Variants in FOCAD observed in about 807,000 individuals in gnomAD.
The protein encoded by FOCAD is KIAA1797.
In FOCAD, 198 loss-of-function variants were observed where a neutral mutation model predicts 225.6. That is an observed-to-expected ratio of 0.88 (90% CI 0.78 to 0.99). FOCAD has a LOEUF of 0.99. Among genes scored for constraint, FOCAD ranks in the 50% least tolerant of loss-of-function variants. The probability of loss-of-function intolerance (pLI) is 0.00; values close to 1 mark genes in which losing one functional copy is unlikely to be tolerated. For synonymous variants in FOCAD, 897 were observed against 755.0 expected (o/e 1.19, Z -3.08); for missense variants, 2,713 against 2,123.6 (o/e 1.28, Z -5.46).
rs543757588 is a variant in FOCAD at position 20,814,692 on chromosome 9, T to C, written c.1456-5104T>C. 5.9e-5 allele frequency among the ~76,000 whole-genome samples: 9 copies of C among 152,264 alleles called. No individual in the cohort carries two copies. The South Asian group carries it at 1.9e-3, about 32-fold the overall frequency. On this transcript the variant is annotated intron_variant, in intron 11 of 43. Transcript: ENST00000338382. ...CTTTTGTGCATGTTCTATGTGTATT[T>C]TTTTTATGGTTGCCATGGGACTTAC...
In FOCAD at chr9:20,885,224, A is replaced by G. The variant is rs1299961825; in HGVS notation, c.2619A>G (p.Val873=). 1 of 1,517,204 alleles carries G rather than the reference A, an allele frequency of 6.6e-7. No individual in the cohort carries two copies. The highest frequency in any genetic ancestry group is 1.4e-5 in the South Asian group (1 of 71,464). 94.0% of individuals were successfully genotyped at this position (1,517,204 alleles called of 1,614,324 possible). The change falls in exon 21 of 44, where the codon GTA becomes GTG. Residue 873 remains valine (V), a synonymous_variant. Transcript: ENST00000338382. ...RSFKQTSLAL[V]HEVHIQLSEW... ...TCAAGCAGACTTCACTTGCTCTTGT[A>G]CATGAGGTAGGTTCCCGTGTCCTCT... is the stretch of plus-strand genomic sequence containing the variant.
At chr9:20,792,577 A>G (rs1224844974) in intron 11 of FOCAD, among the ~76,000 whole-genome samples, 1 of 152,020 alleles carries the variant, frequency 6.6e-6, no homozygotes, top group African/African-American at 2.4e-5. Flanking sequence ...AGTCATGCTT[A>G]TTTGTTTTGC....
intron 4 of FOCAD, among the ~76,000 whole-genome samples, chr9:20,734,440 A>G (rs1385924387): frequency 6.6e-6 from 1 of 152,194 alleles, no homozygotes; most frequent in Non-Finnish European, 1.5e-5. Flanking sequence ...ATTCCGTTCA[A>G]ATGTATTTTG....
intron 7 of FOCAD, among the ~76,000 whole-genome samples, chr9:20,765,486 C>G (rs1829976908): frequency 6.6e-6 from 1 of 151,636 alleles, no homozygotes; most frequent in South Asian, 2.1e-4. Context: ...TCTGAGGATG[C>G]AAAGCCTGGC....
At chr9:20,832,391 T>C (rs979807082) in intron 15 of FOCAD, among the ~76,000 whole-genome samples, 3 of 151,236 alleles carry the variant, frequency 2.0e-5, no homozygotes, top group Non-Finnish European at 4.4e-5. Flanking sequence ...ACCTTCATTC[T>C]TTTTTTTTAA....
chr9:20,832,860 CT>C (rs1564048291), intron 15 of FOCAD, among the ~76,000 whole-genome samples: 2 of 151,984 alleles, frequency 1.3e-5, no homozygotes, highest in African/African-American at 4.8e-5. Flanking sequence ...TCAGTGGACA[CT>C]TAGGTTGTTT....
Position 20,881,951 on chromosome 9 carries a change from G to A in FOCAD, c.2398G>A (p.Gly800Arg), listed in dbSNP as rs776882150. ...TGGGATATATCACTCTGCATTAAAA[G>A]GAGGTGCCCGCTCAGACCAAGGAAA... ...PRGIYHSALK[G>R]GARSDQGKTV... Residue 800 changes from glycine to arginine, a missense_variant, in exon 20 of 44, where the codon GGA (glycine) becomes AGA (arginine). Physicochemically the swap from Gly to Arg is moderately radical, Grantham distance 125. Coordinates refer to ENST00000338382, the MANE Select transcript of FOCAD (RefSeq NM_001375567.1). 6.2e-7 allele frequency: 1 copy of A among 1,613,924 alleles called. No individual in the cohort carries two copies. The highest frequency in any genetic ancestry group is 8.5e-7 in the Non-Finnish European group (1 of 1,179,904).
At chr9:20,757,812 A>G (rs1038460558) in intron 5 of FOCAD, among the ~76,000 whole-genome samples, 4 of 152,180 alleles carry the variant, frequency 2.6e-5, no homozygotes, top group African/African-American at 9.7e-5. Flanking sequence ...CCAAAGTCAC[A>G]GAACTGTTAA....
chr9:20,939,742 ATTTT>A (rs753247977), intron 28 of FOCAD, among the ~76,000 whole-genome samples: 174 of 128,444 alleles, frequency 1.4e-3, no homozygotes, highest in African/African-American at 4.7e-3. Flanking sequence ...AATTTATTTT[ATTTT>A]TTTTCTTTCT....
rs989925698 is a variant in FOCAD, at chr9:20,696,610, C to T, written c.-33+12317C>T. On this transcript the variant is annotated intron_variant, in intron 1 of 43. Coordinates refer to ENST00000338382, the MANE Select transcript of FOCAD (RefSeq NM_001375567.1). The stretch of plus-strand genomic sequence containing the variant: ...CTTGAGCCCAGGAGTTTGAGACCAG[C>T]CTGGGCAACATGGCAAAACCTCCTC... Among the ~76,000 whole-genome samples, 4 of 152,086 alleles carry T rather than the reference C, an allele frequency of 2.6e-5. No homozygotes were observed. In the South Asian group the frequency reaches 8.3e-4, roughly 32 times the overall value.
rs1825457510 is a variant in FOCAD at position 20,717,801 on chromosome 9, G to T, written c.65G>T (p.Gly22Val). The T allele has an allele frequency of 6.2e-7, 1 of 1,611,378 alleles. No individual in the cohort carries two copies. The highest frequency in any genetic ancestry group is 8.5e-7 in the Non-Finnish European group (1 of 1,178,796). ...PNSLIQSQAVGHLIAAVLKEN... is the reference protein window; with the variant it reads ...PNSLIQSQAVVHLIAAVLKEN... ...ATTTTATTTCTTTTTAAGGCTGTGGGTCATCTTATTGCTGCAGTCCTAAAG... is the reference window on the plus strand; with the variant it reads ...ATTTTATTTCTTTTTAAGGCTGTGGTTCATCTTATTGCTGCAGTCCTAAAG... Residue 22 changes from glycine to valine, a missense_variant, in exon 3 of 44, where the codon GGT becomes GTT. By Grantham distance (109) the Gly-to-Val change is moderately radical. Transcript: ENST00000338382.
intron 5 of FOCAD, 27 bp downstream of exon 5, chr9:20,740,367 A>G: frequency 9.2e-7 from 1 of 1,091,048 alleles, no homozygotes; most frequent in Non-Finnish European, 1.3e-6. Context: ...TTTTTTTTTT[A>G]AACAAATATG....
intron 5 of FOCAD, among the ~76,000 whole-genome samples, chr9:20,744,784 AAT>A (rs1309806859): frequency 6.6e-6 from 1 of 152,188 alleles, no homozygotes; most frequent in African/African-American, 2.4e-5. Context: ...CAGATCTTTC[AAT>A]ATAAATAAAG....
chr9:20,839,985 T>A (rs1455983102), intron 15 of FOCAD, among the ~76,000 whole-genome samples: 2 of 152,158 alleles, frequency 1.3e-5, no homozygotes, highest in South Asian at 2.1e-4. Flanking sequence ...TATGGATTTA[T>A]GTCTGGCTAC....
intron 1 of FOCAD, among the ~76,000 whole-genome samples, chr9:20,704,841 C>G (rs930068633): frequency 5.9e-5 from 9 of 152,086 alleles, no homozygotes; most frequent in Non-Finnish European, 1.5e-5. Context: ...TAATGTTAGT[C>G]AAGATTTTCC....
chr9:20,874,647 A>T, intron 18 of FOCAD, 34 bp from the exon 19 acceptor site: 1 of 1,596,214 alleles, frequency 6.3e-7, no homozygotes, highest in East Asian at 2.2e-5. Flanking sequence ...TTTTATTATT[A>T]TCCTCTCTAT....
At chr9:20,918,136 A>G (rs1174680165) in intron 24 of FOCAD, among the ~76,000 whole-genome samples, 3 of 152,178 alleles carry the variant, frequency 2.0e-5, no homozygotes, top group African/African-American at 7.2e-5. Flanking sequence ...GCTGTCTTTG[A>G]CCTTTACCTG....
chr9:20,902,777 A>G (rs1832664037), intron 21 of FOCAD, among the ~76,000 whole-genome samples: 1 of 151,918 alleles, frequency 6.6e-6, no homozygotes, highest in South Asian at 2.1e-4. Flanking sequence ...GAGATTCCCA[A>G]GATAAATCAG....
chr9:20,877,620 G>A (rs555435699), intron 19 of FOCAD, among the ~76,000 whole-genome samples: 7 of 152,098 alleles, frequency 4.6e-5, no homozygotes, highest in Non-Finnish European at 1.0e-4. Flanking sequence ...GGTGGTTGTG[G>A]GCTCCCAGGT....
Sources: allele counts gnomAD v4.1 joint callset (sites outside exome capture counted in the v4.1 genomes callset), GRCh38; gene constraint gnomAD v4.1.1; transcripts MANE v1.5; gene names NCBI Gene and HGNC (gene_info 2026-07-23, HGNC 2026-07-21).